Variants in COL4A4 observed in about 807,000 individuals in gnomAD.
COL4A4 encodes collagen type IV alpha 4 chain.
In COL4A4, 105 loss-of-function variants were observed where a neutral mutation model predicts 192.9. That is an observed-to-expected ratio of 0.54 (90% CI 0.46 to 0.64). The LOEUF is 0.64. Ranked by LOEUF, COL4A4 falls within the 30% of genes least tolerant of loss-of-function variation. The pLI, the probability that COL4A4 is intolerant of heterozygous loss-of-function variation, is 0.00. For synonymous variants in COL4A4, 762 were observed against 769.9 expected (o/e 0.99, Z 0.17); for missense variants, 1,967 against 2,169.3 (o/e 0.91, Z 1.85).
At chr2:227,115,322 G>A (rs2061434962) in intron 7 of COL4A4, among the ~76,000 whole-genome samples, 1 of 144,688 alleles carries the variant, frequency 6.9e-6, no homozygotes, top group Admixed American at 7.1e-5. Context: ...CCAGGCTGGA[G>A]TGCAGTGGCG....
At chr2:227,060,101 G>GAAAAACAAAA in intron 27 of COL4A4, 35 bp downstream of exon 27, 2 of 503,760 alleles carry the variant, frequency 4.0e-6, no homozygotes, top group Non-Finnish European at 3.1e-6. Context: ...TCCCAAAGCA[G>GAAAAACAAAA]AAAAAAAAAA....
chr2:227,078,172 A>G, intron 24 of COL4A4, 95 bp from the exon 25 acceptor site: 2 of 1,253,954 alleles, frequency 1.6e-6, no homozygotes, highest in Non-Finnish European at 2.3e-6. Context: ...GCAAAAGTCC[A>G]TAATTTCAGG....
intron 19 of COL4A4, among the ~76,000 whole-genome samples, chr2:227,098,312 T>G (rs1294229593): frequency 6.6e-6 from 1 of 152,206 alleles, no homozygotes; most frequent in African/African-American, 2.4e-5. Flanking sequence ...TTTCCAAGCC[T>G]TATCTGCATG....
intron 25 of COL4A4, among the ~76,000 whole-genome samples, chr2:227,073,888 C>T (rs1181192652): frequency 1.3e-5 from 2 of 151,990 alleles, no homozygotes; most frequent in Admixed American, 6.6e-5. Flanking sequence ...TCACCTTATA[C>T]AAAAATCAAC....
chr2:227,153,463 C>T (rs2064104443), intron 1 of COL4A4, among the ~76,000 whole-genome samples: 1 of 152,180 alleles, frequency 6.6e-6, no homozygotes, highest in Admixed American at 6.5e-5. Context: ...TATGTGGAAG[C>T]ATGACCAGGT....
chr2:226,975,441 G>A, the COL4A4 span, among the ~76,000 whole-genome samples: 1 of 152,154 alleles, frequency 6.6e-6, no homozygotes, highest in East Asian at 1.9e-4. Context: ...ATGGCCATGG[G>A]GTGAGGGAGG....
intron 20 of COL4A4, among the ~76,000 whole-genome samples, chr2:227,091,022 TA>T (rs202185491): frequency 6.6e-6 from 1 of 151,596 alleles, no homozygotes; most frequent in Non-Finnish European, 1.5e-5. Context: ...ATGATTTGTC[TA>T]AAAAAACAGA....
In COL4A4 at chr2:227,022,059, G is replaced by A. The variant is rs745926070; in HGVS notation, c.4205C>T (p.Pro1402Leu). The A allele has an allele frequency of 3.7e-6, 6 of 1,613,994 alleles. No homozygotes were observed. The South Asian group carries it at 5.5e-5, about 15-fold the overall frequency. ...CATGCGGCTCATACCTGGTCCTGAG[G>A]GGCCTCTCATTCCAGGGAGCCCCAT... Reference protein sequence around the residue: ...GAMGLPGMRGPSGPGCKGEPG... With the variant: ...GAMGLPGMRGLSGPGCKGEPG... The change falls in exon 44 of 48, where the codon CCC becomes CTC. Residue 1402 changes from proline (P) to leucine (L), a missense_variant. Physicochemically the swap from Pro to Leu is moderately conservative, Grantham distance 98. Transcript: ENST00000396625.
At chr2:227,078,804 G>A (rs899338199) in intron 24 of COL4A4, among the ~76,000 whole-genome samples, 7 of 152,188 alleles carry the variant, frequency 4.6e-5, no homozygotes, top group Admixed American at 4.6e-4. Flanking sequence ...TAAAAGCCTA[G>A]CAAGTCCTTT....
At chr2:227,111,047 ATT>A (rs2061178725) in intron 9 of COL4A4, among the ~76,000 whole-genome samples, 1 of 152,250 alleles carries the variant, frequency 6.6e-6, no homozygotes. Flanking sequence ...TAATCATTGA[ATT>A]GCTGGTCTGG....
rs1040287646 is a variant in COL4A4 at position 227,118,644 on chromosome 2, C to T, written c.489+1G>A. 1.9e-6 allele frequency: 3 copies of T among 1,608,952 alleles called. No homozygotes were observed. The highest frequency in any genetic ancestry group is 2.6e-6 in the Non-Finnish European group (3 of 1,175,526). On this transcript the variant is annotated splice_donor_variant, in intron 7 of 47. Coordinates refer to ENST00000396625, the MANE Select transcript of COL4A4 (RefSeq NM_000092.5). LOFTEE classifies it high-confidence loss of function. Reference sequence around the variant, plus strand: ...GTTAAGATGAACTGTGGGTATCTTACTAGGGGGCCTCCTGGGCCAAGAGCT... The same window carrying T: ...GTTAAGATGAACTGTGGGTATCTTATTAGGGGGCCTCCTGGGCCAAGAGCT...
chr2:227,138,155 A>AATAATC (rs1374027370), intron 4 of COL4A4, among the ~76,000 whole-genome samples: 253 of 151,134 alleles, frequency 1.7e-3, no homozygotes, highest in African/African-American at 5.7e-3. Flanking sequence ...TAATAATAAT[A>AATAATC]ATCAAAAAAA....
rs2150236312 is a variant in COL4A4, at chr2:227,056,111, A to G, written c.2550T>C (p.Ala850=). The G allele has an allele frequency of 6.2e-7, 1 of 1,613,992 alleles. No individual in the cohort carries two copies. The highest frequency in any genetic ancestry group is 1.1e-5 in the South Asian group (1 of 91,068). The change falls in exon 30 of 48, where the codon GCT becomes GCC. Residue 850 remains alanine (A), a synonymous_variant. Transcript: ENST00000396625. The part of the protein sequence containing the change: ...GLPGYPGSPG[A]PGGKGQPGDV... ...CTCCCGGCTGTCCTTTCCCACCTGG[A>G]GCACCTAAGACAAACCACAGTGACC...
intron 25 of COL4A4, among the ~76,000 whole-genome samples, chr2:227,073,757 C>T (rs1559554244): frequency 6.6e-6 from 1 of 152,068 alleles, no homozygotes; most frequent in Non-Finnish European, 1.5e-5. Context: ...CTACAGCTAA[C>T]TGATCTTTAA....
chr2:227,142,171 A>G (rs929662908), intron 3 of COL4A4, among the ~76,000 whole-genome samples: 24 of 152,104 alleles, frequency 1.6e-4, no homozygotes, highest in Non-Finnish European at 1.9e-4. Context: ...GGAAAAAGCA[A>G]GAGGTGATTT....
At chr2:226,995,512 A>G in the COL4A4 span, 2 of 1,609,768 alleles carry the variant, frequency 1.2e-6, no homozygotes, top group Admixed American at 1.7e-5. Flanking sequence ...CACAGATTCG[A>G]TAGCCAGTGA....
chr2:227,043,006 G>T, intron 36 of COL4A4, 71 bp downstream of exon 36: 1 of 1,115,214 alleles, frequency 9.0e-7, no homozygotes, highest in Non-Finnish European at 1.4e-6. Flanking sequence ...TCTAATTAAA[G>T]ACTGGTGGTT....
At chr2:227,036,930 T>C (rs894763162) in intron 37 of COL4A4, among the ~76,000 whole-genome samples, 1 of 152,246 alleles carries the variant, frequency 6.6e-6, no homozygotes, top group Non-Finnish European at 1.5e-5. Context: ...CCAGTAAATA[T>C]GGATACAAAA....
chr2:227,140,806 C>A (rs1337521223), intron 3 of COL4A4, among the ~76,000 whole-genome samples: 4 of 151,678 alleles, frequency 2.6e-5, no homozygotes, highest in Admixed American at 1.3e-4. Flanking sequence ...CAAACAGAAA[C>A]TCCTGAACTT....
Sources: gnomAD v4.1 joint callset for allele counts (sites outside exome capture counted in the v4.1 genomes callset) on GRCh38, gnomAD v4.1.1 for gene constraint, MANE v1.5 for transcripts, NCBI Gene and HGNC (gene_info 2026-07-23, HGNC 2026-07-21) for gene names.